IGF1: variants seen among roughly 807,000 people sequenced by gnomAD.
IGF1 encodes the protein insulin like growth factor 1.
IGF1 carries 4 observed loss-of-function variants against 13.8 expected under a neutral mutation model. The observed-to-expected ratio is 0.29, with a 90% CI of 0.14 to 0.66. The LOEUF is 0.66. Among genes scored for constraint, IGF1 ranks in the 30% least tolerant of loss-of-function variants. The pLI is 0.78. For synonymous variants in IGF1, 76 were observed against 72.6 expected (o/e 1.05, Z -0.23); for missense variants, 124 against 188.5 (o/e 0.66, Z 2.00).
chr12:102,416,230 T>C (rs1387318164), intron 3 of IGF1, among the ~76,000 whole-genome samples: 2 of 152,192 alleles, frequency 1.3e-5, no homozygotes, highest in Non-Finnish European at 2.9e-5. Flanking sequence ...ATGTCACCAT[T>C]TGTTTGGTAG....
Position 102,396,119 on chromosome 12 carries a change from T to C in IGF1, c.*6388A>G, listed in dbSNP as rs1873161240. 1 of 152,198 alleles carries C rather than the reference T, an allele frequency of 6.6e-6. No individual in the cohort carries two copies. The highest frequency in any genetic ancestry group is 6.5e-5 in the Admixed American group (1 of 15,278). The allele number at this position is 152,198 out of a possible 1,614,324, so 9.4% of individuals were successfully genotyped here. A position where few individuals can be genotyped will look rare whatever the true frequency, so the allele number is the denominator to read the frequency against. On this transcript the variant is annotated 3_prime_UTR_variant, in exon 4 of 4. Coordinates refer to ENST00000337514, the MANE Select transcript of IGF1 (RefSeq NM_000618.5). ...ATATGCTTTTCAACTAAGACAGATG[T>C]AACGAATGGCCAGTCATTATTTTCT... is the stretch of plus-strand genomic sequence containing the variant.
chr12:102,445,283 G>T (rs1350311146), intron 2 of IGF1, among the ~76,000 whole-genome samples: 1 of 152,096 alleles, frequency 6.6e-6, no homozygotes, highest in Non-Finnish European at 1.5e-5. Flanking sequence ...GAAAGTCAAT[G>T]GTACCTTGAT....
rs1873349700 is a variant in IGF1, at chr12:102,397,940, A to C, written c.*4567T>G. On this transcript the variant is annotated 3_prime_UTR_variant, in exon 4 of 4. Coordinates refer to ENST00000337514, the MANE Select transcript of IGF1 (RefSeq NM_000618.5). The stretch of plus-strand genomic sequence containing the variant: ...TTTTAAATAGTCTGATTATAGCTTC[A>C]ACAAGTCAAACATACATTTCTATCT... 1 of 152,392 alleles carries C rather than the reference A, an allele frequency of 6.6e-6. No homozygotes were observed. Among genetic ancestry groups the C allele is most frequent in the Non-Finnish European group, 1.5e-5 (1 of 68,030 alleles). The allele number at this position is 152,392 out of a possible 1,614,324, so 9.4% of individuals were successfully genotyped here.
At chr12:102,441,185 C>T (rs1877683029) in intron 2 of IGF1, among the ~76,000 whole-genome samples, 1 of 152,150 alleles carries the variant, frequency 6.6e-6, no homozygotes, top group Non-Finnish European at 1.5e-5. Context: ...TCAATCTTTG[C>T]CATTGACCAA....
intron 1 of IGF1, 109 bp downstream of exon 1, chr12:102,480,210 G>T (rs188923852): frequency 3.7e-6 from 4 of 1,081,338 alleles, no homozygotes; most frequent in Non-Finnish European, 5.5e-6. Flanking sequence ...ATAACTCTCG[G>T]TTCCGAAACA....
intron 2 of IGF1, 48 bp downstream of exon 2, chr12:102,475,595 C>T: frequency 6.2e-7 from 1 of 1,603,996 alleles, no homozygotes; most frequent in Admixed American, 1.7e-5. Context: ...ATCCACAGAG[C>T]TGTACACTTT....
intron 2 of IGF1, among the ~76,000 whole-genome samples, chr12:102,443,513 G>C (rs372278679): frequency 1.1e-4 from 17 of 152,142 alleles, no homozygotes; most frequent in African/African-American, 4.1e-4. Context: ...CAGCAGCCCT[G>C]AACTATGTAT....
chr12:102,440,263 GC>G (rs1271122488), intron 2 of IGF1, among the ~76,000 whole-genome samples: 2 of 152,156 alleles, frequency 1.3e-5, no homozygotes, highest in Non-Finnish European at 2.9e-5. Flanking sequence ...CCCTTCTCCA[GC>G]CCCCACAGAG....
At chr12:102,466,420 A>G (rs906574926) in intron 2 of IGF1, among the ~76,000 whole-genome samples, 1 of 152,134 alleles carries the variant, frequency 6.6e-6, no homozygotes, top group Non-Finnish European at 1.5e-5. Context: ...CGTGACTGGG[A>G]GGAAGGGACT....
At chr12:102,426,456 A>G (rs1346491368) in intron 2 of IGF1, among the ~76,000 whole-genome samples, 1 of 152,206 alleles carries the variant, frequency 6.6e-6, no homozygotes, top group Non-Finnish European at 1.5e-5. Flanking sequence ...AATCTTAAAA[A>G]TGCATCCTTT....
chr12:102,402,312 AT>A lies in IGF1; in HGVS notation c.*194del. The A allele has an allele frequency of 1.6e-6, 1 of 612,476 alleles. No individual in the cohort carries two copies. The allele number at this position is 612,476 out of a possible 1,614,324, so 37.9% of individuals were successfully genotyped here. A position where few individuals can be genotyped will look rare whatever the true frequency, so the allele number is the denominator to read the frequency against. On this transcript the variant is annotated 3_prime_UTR_variant, in exon 4 of 4. Transcript: ENST00000337514. ...ACAGCAATCTACCAACTCCAGGACC[AT>A]TTTTGCAAGGTGCAAATCACTCCTA...
intron 2 of IGF1, among the ~76,000 whole-genome samples, chr12:102,444,316 G>C (rs1878129634): frequency 6.6e-6 from 1 of 150,986 alleles, no homozygotes; most frequent in South Asian, 2.1e-4. Context: ...CCCCATATCT[G>C]TAATTACACA....
intron 2 of IGF1, among the ~76,000 whole-genome samples, chr12:102,433,005 T>C (rs980276629): frequency 6.6e-6 from 1 of 152,094 alleles, no homozygotes; most frequent in Admixed American, 6.6e-5. Flanking sequence ...CACACTTCAG[T>C]GTATGGGAGT....
chr12:102,416,978 G>C (rs1875197173), intron 3 of IGF1, among the ~76,000 whole-genome samples: 1 of 152,306 alleles, frequency 6.6e-6, no homozygotes, highest in East Asian at 1.9e-4. Flanking sequence ...ATGGAGGGAA[G>C]ATGAAGTGAA....
chr12:102,407,297 A>G (rs1246129598), intron 3 of IGF1, among the ~76,000 whole-genome samples: 1 of 152,172 alleles, frequency 6.6e-6, no homozygotes, highest in African/African-American at 2.4e-5. Context: ...GCTCGCTAAC[A>G]TTTAGTAATG....
intron 2 of IGF1, among the ~76,000 whole-genome samples, chr12:102,434,957 AG>A (rs1253845726): frequency 1.3e-5 from 2 of 152,228 alleles, no homozygotes; most frequent in African/African-American, 2.4e-5. Context: ...CTGTATTTGC[AG>A]GTTTCATGTC....
At chr12:102,472,668 C>G (rs1357371996) in intron 2 of IGF1, among the ~76,000 whole-genome samples, 7 of 152,112 alleles carry the variant, frequency 4.6e-5, no homozygotes, top group Non-Finnish European at 8.8e-5. Context: ...AAGAATGCTT[C>G]CCTCTAAAAA....
intron 3 of IGF1, chr12:102,418,037 C>G: frequency 1.9e-6 from 3 of 1,601,930 alleles, no homozygotes; most frequent in Non-Finnish European, 2.5e-6. Context: ...GCATTGAGAA[C>G]AAGTGGTTCC....
intron 2 of IGF1, among the ~76,000 whole-genome samples, chr12:102,453,482 A>T (rs1176213734): frequency 6.6e-6 from 1 of 152,236 alleles, no homozygotes; most frequent in African/African-American, 2.4e-5. Context: ...TTCTGAGGAC[A>T]TACAGAGGAA....
Sources: gnomAD v4.1 joint callset for allele counts (sites outside exome capture counted in the v4.1 genomes callset) on GRCh38, gnomAD v4.1.1 for gene constraint, MANE v1.5 for transcripts, NCBI Gene and HGNC (gene_info 2026-07-23, HGNC 2026-07-21) for gene names.